The following MAP2K5 variants were observed in gnomAD, a reference collection of about 807,000 sequenced individuals.
MAP2K5 encodes mitogen-activated protein kinase kinase 5.
In MAP2K5, 49 loss-of-function variants were observed where a neutral mutation model predicts 83.1. The ratio of observed to expected loss-of-function variants is 0.59; its 90% CI spans 0.47 to 0.75. The LOEUF (loss-of-function observed/expected upper bound fraction) is 0.75, where lower values mean the gene tolerates loss of function less well. Among genes scored for constraint, MAP2K5 ranks in the 30% least tolerant of loss-of-function variants. MAP2K5 has a pLI of 0.00. For synonymous variants in MAP2K5, 202 were observed against 191.8 expected (o/e 1.05, Z -0.44); for missense variants, 457 against 557.5 (o/e 0.82, Z 1.82).
At chr15:67,784,981 C>CTA (rs889840960) in intron 21 of MAP2K5, among the ~76,000 whole-genome samples, 2 of 152,174 alleles carry the variant, frequency 1.3e-5, no homozygotes, top group African/African-American at 2.4e-5. Flanking sequence ...ACTGTGTCAC[C>CTA]TAGGCTGGAG....
At chr15:67,694,340 A>T (rs1596808497) in intron 15 of MAP2K5, among the ~76,000 whole-genome samples, 1 of 152,192 alleles carries the variant, frequency 6.6e-6, no homozygotes, top group East Asian at 1.9e-4. Flanking sequence ...TTATAATGAA[A>T]GCTCTAAATT....
intron 13 of MAP2K5, among the ~76,000 whole-genome samples, chr15:67,684,619 T>C (rs1161548339): frequency 1.3e-5 from 2 of 152,254 alleles, no homozygotes; most frequent in Admixed American, 6.5e-5. Flanking sequence ...AAAAAATCAA[T>C]CTGTAGAAAT....
At chr15:67,805,544 G>T (rs879820407) in intron 21 of MAP2K5, among the ~76,000 whole-genome samples, 8 of 152,252 alleles carry the variant, frequency 5.3e-5, no homozygotes, top group Non-Finnish European at 1.0e-4. Context: ...TGAAAGCCCA[G>T]CCTGTGCAGG....
Position 67,757,454 on chromosome 15 carries a change from A to G in MAP2K5, c.1134+8853A>G, listed in dbSNP as rs2089862585. Among the ~76,000 whole-genome samples the G allele has an allele frequency of 6.6e-6, 1 of 152,124 alleles. No individual in the cohort carries two copies. Among genetic ancestry groups the G allele is most frequent in the Admixed American group, 6.5e-5 (1 of 15,272 alleles). ...TTTTGGTTTGGTCAGAGTATGGGAGATTCAGATCTCCACCCCCTTTCCCAC... is the reference window on the plus strand; with the variant it reads ...TTTTGGTTTGGTCAGAGTATGGGAGGTTCAGATCTCCACCCCCTTTCCCAC... On this transcript the variant is annotated intron_variant, in intron 19 of 21. Coordinates refer to ENST00000178640, the MANE Select transcript of MAP2K5 (RefSeq NM_145160.3). The surrounding 1 kb of genome is among the most constrained non-coding windows in gnomAD (Gnocchi z 4.9).
Position 67,764,201 on chromosome 15 carries a change from T to A in MAP2K5, c.1135-5401T>A, listed in dbSNP as rs140843235. On this transcript the variant is annotated intron_variant, in intron 19 of 21. Transcript: ENST00000178640. This position sits in a 1 kb window ranked among gnomAD's most constrained non-coding sequence, Gnocchi z 4.9. ...CAACACCTTGAGATATTTGAGAGGT[T>A]GTCCCATCTTCCTTTGCTTTACTGC... 2.8e-3 allele frequency among the ~76,000 whole-genome samples: 426 copies of A among 152,350 alleles called. 2 individuals carry two copies. Among genetic ancestry groups the A allele is most frequent in the African/African-American group, 1.0e-2 (414 of 41,588 alleles).
chr15:67,685,994 A>T (rs184401681), intron 13 of MAP2K5, among the ~76,000 whole-genome samples: 1 of 152,238 alleles, frequency 6.6e-6, no homozygotes, highest in Non-Finnish European at 1.5e-5. Context: ...TCTTTACAGG[A>T]AAAGTTTGCC....
intron 17 of MAP2K5, among the ~76,000 whole-genome samples, chr15:67,737,139 T>C (rs1408048692): frequency 6.6e-6 from 1 of 152,178 alleles, no homozygotes; most frequent in Non-Finnish European, 1.5e-5. Flanking sequence ...ACATATCCAC[T>C]CAAGTACTGC....
chr15:67,550,206 T>A, intron 2 of MAP2K5, 124 bp downstream of exon 2: 1 of 640,856 alleles, frequency 1.6e-6, no homozygotes. Context: ...TATGGTACAT[T>A]TAAATATTTA....
intron 17 of MAP2K5, among the ~76,000 whole-genome samples, chr15:67,743,640 T>A (rs1325914661): frequency 6.6e-6 from 1 of 152,228 alleles, no homozygotes; most frequent in Non-Finnish European, 1.5e-5. Context: ...TGGTTTTGTT[T>A]TTCTCATTGA....
intron 17 of MAP2K5, among the ~76,000 whole-genome samples, chr15:67,733,531 GC>G (rs2089271891): frequency 1.3e-5 from 2 of 152,254 alleles, no homozygotes; most frequent in South Asian, 4.2e-4. Flanking sequence ...CCATCATCTG[GC>G]CAAATAGAAT....
intron 13 of MAP2K5, among the ~76,000 whole-genome samples, chr15:67,678,143 C>T (rs1256254679): frequency 6.6e-6 from 1 of 152,190 alleles, no homozygotes; most frequent in Non-Finnish European, 1.5e-5. Flanking sequence ...TGTTCTCATT[C>T]ATTAGAATGC....
rs562243340 is a variant in MAP2K5 at position 67,638,134 on chromosome 15, C to T, written c.585+7207C>T. Among the ~76,000 whole-genome samples, 2 of 151,608 alleles carry T rather than the reference C, an allele frequency of 1.3e-5. No individual in the cohort carries two copies. Among genetic ancestry groups the T allele is most frequent in the Non-Finnish European group, 2.9e-5 (2 of 67,936 alleles). On this transcript the variant is annotated intron_variant, in intron 9 of 21. Coordinates refer to ENST00000178640, the MANE Select transcript of MAP2K5 (RefSeq NM_145160.3). The surrounding 1 kb of genome is among the most constrained non-coding windows in gnomAD (Gnocchi z 4.5). ...GGTTTGTTATATAAGTATACTTGTG[C>T]CATGGGGGTTTGTTGTACAGATTAT...
At chr15:67,588,511 A>G (rs896641380) in intron 6 of MAP2K5, among the ~76,000 whole-genome samples, 8 of 152,210 alleles carry the variant, frequency 5.3e-5, no homozygotes, top group African/African-American at 1.7e-4. Flanking sequence ...AGTAGATTCT[A>G]TACTATTTGA....
At chr15:67,689,137 C>T (rs1005842399) in intron 13 of MAP2K5, among the ~76,000 whole-genome samples, 2 of 152,286 alleles carry the variant, frequency 1.3e-5, no homozygotes, top group Admixed American at 6.5e-5. Context: ...CATCTGTAGT[C>T]CCTTTGACTC....
rs1320244096 is a variant in MAP2K5, at chr15:67,677,912, G to C, written c.847+13267G>C. Among the ~76,000 whole-genome samples, 1 of 152,232 alleles carries C rather than the reference G, an allele frequency of 6.6e-6. No homozygotes were observed. Among genetic ancestry groups the C allele is most frequent in the East Asian group, 1.9e-4 (1 of 5,204 alleles). ...GCCTCCATTCTGAACCGAATCATGA[G>C]ACTCCAGGCAATAACTGCCATTGAG... On this transcript the variant is annotated intron_variant, in intron 13 of 21. Coordinates refer to ENST00000178640, the MANE Select transcript of MAP2K5 (RefSeq NM_145160.3). The surrounding 1 kb of genome is among the most constrained non-coding windows in gnomAD (Gnocchi z 4.2).
chr15:67,554,156 C>T (rs1292220455), intron 2 of MAP2K5, among the ~76,000 whole-genome samples: 1 of 152,074 alleles, frequency 6.6e-6, no homozygotes, highest in Non-Finnish European at 1.5e-5. Context: ...GCCTCCCAGA[C>T]TCAAGCAATC....
chr15:67,716,049 T>C (rs1346181278), intron 16 of MAP2K5, among the ~76,000 whole-genome samples: 4 of 152,232 alleles, frequency 2.6e-5, no homozygotes, highest in African/African-American at 9.6e-5. Context: ...AATATTTTTT[T>C]GAGTGCCTAG....
chr15:67,791,077 G>T (rs940138509), intron 21 of MAP2K5, among the ~76,000 whole-genome samples: 1 of 152,202 alleles, frequency 6.6e-6, no homozygotes, highest in African/African-American at 2.4e-5. Flanking sequence ...AGACATCCGA[G>T]CTGCAGCTGG....
chr15:67,731,645 T>G (rs991809578), intron 17 of MAP2K5, among the ~76,000 whole-genome samples: 1 of 152,174 alleles, frequency 6.6e-6, no homozygotes, highest in African/African-American at 2.4e-5. Flanking sequence ...AGGCTGTGCA[T>G]TCTACCTGCA....
Sources: gnomAD v4.1 joint callset for allele counts (sites outside exome capture counted in the v4.1 genomes callset) on GRCh38, gnomAD v4.1.1 for gene constraint, Gnocchi (gnomAD v3.1) non-coding constraint, MANE v1.5 for transcripts, NCBI Gene and HGNC (gene_info 2026-07-23, HGNC 2026-07-21) for gene names.